The following CPXM2 variants were observed in gnomAD, a reference collection of about 807,000 sequenced individuals.
CPXM2 encodes the protein inactive carboxypeptidase-like protein X2.
A neutral mutation model predicts 86.1 loss-of-function variants in CPXM2; 66 were observed. That is an observed-to-expected ratio of 0.77 (90% CI 0.63 to 0.94). The LOEUF is 0.94. Ranked by LOEUF, CPXM2 falls within the 40% of genes least tolerant of loss-of-function variation. CPXM2 has a pLI of 0.00. For synonymous variants in CPXM2, 388 were observed against 400.2 expected (o/e 0.97, Z 0.36); for missense variants, 948 against 1,026.3 (o/e 0.92, Z 1.04).
rs1004626588 is a variant in CPXM2 at position 123,885,597 on chromosome 10, C to T, written c.305-5288G>A. 6.6e-6 allele frequency among the ~76,000 whole-genome samples: 1 copy of T among 152,210 alleles called. No homozygotes were observed. Among genetic ancestry groups the T allele is most frequent in the African/African-American group, 2.4e-5 (1 of 41,454 alleles). Reference sequence around the variant, plus strand: ...TGATGCCCAACGAGTAGCCAGCTGGCTGCCAGCCAGATGTGGATGCCAGCC... The same window carrying T: ...TGATGCCCAACGAGTAGCCAGCTGGTTGCCAGCCAGATGTGGATGCCAGCC... On this transcript the variant is annotated intron_variant, in intron 1 of 13. Coordinates refer to ENST00000241305, the MANE Select transcript of CPXM2 (RefSeq NM_198148.3). This position sits in a 1 kb window ranked among gnomAD's most constrained non-coding sequence, Gnocchi z 4.0.
chr10:123,871,231 A>T (rs1944890894), intron 2 of CPXM2, among the ~76,000 whole-genome samples: 1 of 152,108 alleles, frequency 6.6e-6, no homozygotes, highest in African/African-American at 2.4e-5. Flanking sequence ...AAAAGTCCAC[A>T]CTGTTACCAT....
chr10:123,834,678 T>G (rs1848242658), intron 4 of CPXM2, among the ~76,000 whole-genome samples: 1 of 152,156 alleles, frequency 6.6e-6, no homozygotes, highest in Non-Finnish European at 1.5e-5. Flanking sequence ...TGGGTTGCTA[T>G]AGTCTGGCTG....
chr10:123,864,237 C>G (rs143345372), intron 2 of CPXM2, among the ~76,000 whole-genome samples: 1 of 152,098 alleles, frequency 6.6e-6, no homozygotes, highest in Non-Finnish European at 1.5e-5. Flanking sequence ...TCCCGCCCAC[C>G]GAGAGACCCC....
chr10:123,887,286 C>T (rs975853375), intron 1 of CPXM2: 2 of 151,994 alleles, frequency 1.3e-5, no homozygotes, highest in East Asian at 1.9e-4. Flanking sequence ...CTAAAATTCT[C>T]GGATGGATGA....
At chr10:123,783,455 G>T (rs1009499826) in intron 6 of CPXM2, among the ~76,000 whole-genome samples, 4 of 152,208 alleles carry the variant, frequency 2.6e-5, no homozygotes, top group African/African-American at 9.7e-5. Flanking sequence ...GCTAGGCACT[G>T]GCTCAGAGAT....
intron 4 of CPXM2, among the ~76,000 whole-genome samples, chr10:123,811,131 AT>A (rs371020084): frequency 0.094 from 9,656 of 102,790 alleles, 338 homozygotes; most frequent in Middle Eastern, 0.21. Flanking sequence ...TCACAAAATC[AT>A]TTTTTTTTTT....
chr10:123,866,902 T>G (rs1001569243), intron 2 of CPXM2, among the ~76,000 whole-genome samples: 3 of 152,210 alleles, frequency 2.0e-5, no homozygotes, highest in African/African-American at 7.2e-5. Flanking sequence ...TCTTTATTTT[T>G]CCCTTTGATA....
chr10:123,874,090 T>A (rs1424105406), intron 2 of CPXM2, among the ~76,000 whole-genome samples: 2 of 152,032 alleles, frequency 1.3e-5, no homozygotes, highest in Admixed American at 6.6e-5. Context: ...CTCAAACTCC[T>A]GAGCTCAGGT....
intron 11 of CPXM2, among the ~76,000 whole-genome samples, chr10:123,758,500 G>A (rs925162373): frequency 1.2e-4 from 19 of 152,084 alleles, no homozygotes; most frequent in Non-Finnish European, 7.3e-5. Context: ...GCCCATCCAG[G>A]TAACACAGGG....
At position 123,927,912 on chromosome 10, in the gene CPXM2, G is replaced by T. The variant is rs917114817; in HGVS notation, n.174+11565C>A. Among the ~76,000 whole-genome samples, 14 of 152,314 alleles carry T rather than the reference G, an allele frequency of 9.2e-5. No individual in the cohort carries two copies. In the East Asian group the frequency reaches 2.3e-3, roughly 25 times the overall value. ...CTCCAGGAACCCCCCAGTGTTGGGG[G>T]TAGGTACCAGGCACTTCCATTCTCT... On this transcript the variant is annotated intron_variant and non_coding_transcript_variant, in intron 2 of 19. Transcript: ENST00000368854.
intron 2 of CPXM2, among the ~76,000 whole-genome samples, chr10:123,915,120 C>A (rs1945525140): frequency 6.6e-6 from 1 of 152,224 alleles, no homozygotes; most frequent in African/African-American, 2.4e-5. Context: ...CAAATATTTC[C>A]TGCCTCAGGG....
intron 4 of CPXM2, among the ~76,000 whole-genome samples, chr10:123,820,620 A>G (rs1374455266): frequency 6.6e-6 from 1 of 152,194 alleles, no homozygotes; most frequent in Non-Finnish European, 1.5e-5. Flanking sequence ...AATCTAACAT[A>G]GCTCTCCCTG....
chr10:123,895,112 CTTTTTTTTCTTTTTTTTTT>C (rs1324291187), upstream of CPXM2, among the ~76,000 whole-genome samples: 16 of 111,678 alleles, frequency 1.4e-4, no homozygotes, highest in Non-Finnish European at 7.8e-5. Flanking sequence ...TTTTTTTTTT[CTTTTTTTTCTTTTTTTTTT>C]TTTTTTTTTT....
intron 4 of CPXM2, among the ~76,000 whole-genome samples, chr10:123,819,563 T>A (rs1334468673): frequency 6.6e-6 from 1 of 152,204 alleles, no homozygotes; most frequent in African/African-American, 2.4e-5. Flanking sequence ...ATACCTTCAT[T>A]TTATTTCCTT....
At chr10:123,842,191 C>T (rs1848400534) in intron 4 of CPXM2, among the ~76,000 whole-genome samples, 158 bp downstream of exon 4, 1 of 152,220 alleles carries the variant, frequency 6.6e-6, no homozygotes, top group Admixed American at 6.5e-5. Flanking sequence ...GAGAATGTGT[C>T]GACAACGAGC....
Position 123,746,647 on chromosome 10 carries a change from C to T in CPXM2, c.*117G>A, listed in dbSNP as rs1845975983. On this transcript the variant is annotated 3_prime_UTR_variant, in exon 14 of 14. Transcript: ENST00000241305. ...GGACCTGCCTCACAATGCACCCTCT[C>T]TTCCAGGCACTTCTTGAATTACAGA... The T allele has an allele frequency of 2.9e-5, 29 of 1,016,930 alleles. No individual in the cohort carries two copies. Among genetic ancestry groups the T allele is most frequent in the Non-Finnish European group, 3.9e-5 (27 of 687,028 alleles). The allele number at this position is 1,016,930 out of a possible 1,614,324, so 63.0% of individuals were successfully genotyped here. A position where few individuals can be genotyped will look rare whatever the true frequency, so the allele number is the denominator to read the frequency against.
chr10:123,858,923 A>T (rs1848797493), intron 3 of CPXM2, among the ~76,000 whole-genome samples: 1 of 152,220 alleles, frequency 6.6e-6, no homozygotes, highest in Non-Finnish European at 1.5e-5. Flanking sequence ...TCACAATTCC[A>T]TGACGGAGGA....
intron 2 of CPXM2, among the ~76,000 whole-genome samples, chr10:123,910,374 G>A (rs57945961): frequency 7.9e-5 from 12 of 151,880 alleles, no homozygotes; most frequent in Admixed American, 4.6e-4. Context: ...ACCTCCACCC[G>A]GACAGAACCC....
rs200982625 is a variant in CPXM2, at chr10:123,746,956, G to T, written c.2079C>A (p.Ala693=). The T allele has an allele frequency of 6.2e-7, 1 of 1,614,058 alleles. No individual in the cohort carries two copies. Among genetic ancestry groups the T allele is most frequent in the Non-Finnish European group, 8.5e-7 (1 of 1,180,018 alleles). Residue 693 remains alanine, a synonymous_variant, in exon 14 of 14, where the codon GCC becomes GCA. Coordinates refer to ENST00000241305, the MANE Select transcript of CPXM2 (RefSeq NM_198148.3). The stretch of plus-strand genomic sequence containing the variant: ...TCTTGGTGGATGCAGTGAAACCTTC[G>T]GCCTTTGCTGTGACCACATACTCTC... ...NPGEYVVTAK[A]EGFTASTKNC...
Sources: gnomAD v4.1 joint callset for allele counts (sites outside exome capture counted in the v4.1 genomes callset) on GRCh38, gnomAD v4.1.1 for gene constraint, Gnocchi (gnomAD v3.1) non-coding constraint, MANE v1.5 for transcripts, NCBI Gene and HGNC (gene_info 2026-07-23, HGNC 2026-07-21) for gene names.